Variants in OTUD1 observed in about 807,000 individuals in gnomAD.
The protein encoded by OTUD1 is OTU domain-containing protein 1.
In OTUD1, 15 loss-of-function variants were observed where a neutral mutation model predicts 30.0. The observed-to-expected ratio is 0.50, with a 90% confidence interval of 0.33 to 0.77. The LOEUF is 0.77. Among genes scored for constraint, OTUD1 ranks in the 30% least tolerant of loss-of-function variants. The pLI is 0.02. For missense variants in OTUD1, 796 were observed against 697.8 expected, an observed-to-expected ratio of 1.14 and a Z score of -1.59; for synonymous variants, 381 against 326.3, an observed-to-expected ratio of 1.17 and a Z score of -1.81.
chr10:23,440,915 AC>A lies in OTUD1; in HGVS notation c.*14del, dbSNP rs1336237757. 1 of 1,543,016 alleles carries A rather than the reference AC, an allele frequency of 6.5e-7. No individual in the cohort carries two copies. Among genetic ancestry groups the A allele is most frequent in the South Asian group, 1.2e-5 (1 of 82,746 alleles). On this transcript the variant is annotated 3_prime_UTR_variant, in exon 1 of 1. Coordinates refer to ENST00000376495, the MANE Select transcript of OTUD1 (RefSeq NM_001145373.3). Reference sequence around the variant, plus strand: ...ATGCATGCTCTTGAAATGTCTCAAAACCTTACACCCTGGGAATAATTGCATA... The same window carrying A: ...ATGCATGCTCTTGAAATGTCTCAAAACTTACACCCTGGGAATAATTGCATA...
Position 23,439,255 on chromosome 10 carries a change from C to T in OTUD1, c.-203C>T, listed in dbSNP as rs1294812034. Among the ~76,000 whole-genome samples the T allele has an allele frequency of 6.6e-6, 1 of 151,350 alleles. No homozygotes were observed. Among genetic ancestry groups the T allele is most frequent in the Non-Finnish European group, 1.5e-5 (1 of 67,752 alleles). ...CTCGCGTCCCGTCCCCGCCCCCCTG[C>T]GCTGTGGCGCAGCAGGAATTTGGCC... is the stretch of plus-strand genomic sequence containing the variant. On this transcript the variant is annotated 5_prime_UTR_variant, in exon 1 of 1. Transcript: ENST00000376495.
Position 23,440,863 on chromosome 10 carries a change from C to T in OTUD1, c.1406C>T (p.Ser469Phe). Residue 469 changes from serine to phenylalanine, a missense_variant, in exon 1 of 1, where the codon TCC (serine) becomes TTC (phenylalanine). Physicochemically the swap from Ser to Phe is radical, Grantham distance 155. Coordinates refer to ENST00000376495, the MANE Select transcript of OTUD1 (RefSeq NM_001145373.3). ...GAACTTGCCAAATCTATGGCCATATCCTTGTCTAAAATGTATATTGAACAA... is the reference window on the plus strand; with the variant it reads ...GAACTTGCCAAATCTATGGCCATATTCTTGTCTAAAATGTATATTGAACAA... ...DEELAKSMAISLSKMYIEQNA... is the reference protein window; with the variant it reads ...DEELAKSMAIFLSKMYIEQNA... 6.4e-7 allele frequency: 1 copy of T among 1,551,792 alleles called. No individual in the cohort carries two copies. The highest frequency in any genetic ancestry group is 8.7e-7 in the Non-Finnish European group (1 of 1,146,982).
chr10:23,440,090 G>T lies in OTUD1; in HGVS notation c.633G>T (p.Ala211=), dbSNP rs963055604. 5 of 1,434,554 alleles carry T rather than the reference G, an allele frequency of 3.5e-6. No homozygotes were observed. The highest frequency in any genetic ancestry group is 3.6e-6 in the Non-Finnish European group (4 of 1,101,518). The allele number at this position is 1,434,554 out of a possible 1,614,324, so 88.9% of individuals were successfully genotyped here. ...CCGCCGCCAAGCACCGAGGCCCCGC[G>T]GCGACCCCGGGGAGCCCCGATCCCG... is the stretch of plus-strand genomic sequence containing the variant. ...ALAAAKHRGP[A]ATPGSPDPGP... Residue 211 remains alanine, a synonymous_variant, in exon 1 of 1, where the codon GCG becomes GCT. Coordinates refer to ENST00000376495, the MANE Select transcript of OTUD1 (RefSeq NM_001145373.3).
Position 23,439,600 on chromosome 10 carries a change from C to T in OTUD1, c.143C>T (p.Pro48Leu). The change falls in exon 1 of 1, where the codon CCC (proline) becomes CTC (leucine). Residue 48 changes from proline (P) to leucine (L), a missense_variant. Physicochemically the swap from Pro to Leu is moderately conservative, Grantham distance 98. Coordinates refer to ENST00000376495, the MANE Select transcript of OTUD1 (RefSeq NM_001145373.3). The stretch of plus-strand genomic sequence containing the variant: ...GGAGCCGCCGGCGCCGCGCCCGAGC[C>T]CGAGACCGGTGAGTGCCAGCCCGCC... Reference protein sequence around the residue: ...PPGAAGAAPEPETGECQPAAA... With the variant: ...PPGAAGAAPELETGECQPAAA... 7.3e-7 allele frequency: 1 copy of T among 1,365,836 alleles called. No homozygotes were observed. Among genetic ancestry groups the T allele is most frequent in the Non-Finnish European group, 9.5e-7 (1 of 1,054,550 alleles). 84.6% of individuals were successfully genotyped at this position (1,365,836 alleles called of 1,614,324 possible).
In OTUD1 at chr10:23,440,241, C is replaced by G. The variant is rs1266578670; in HGVS notation, c.784C>G (p.Pro262Ala). 24 of 1,539,520 alleles carry G rather than the reference C, an allele frequency of 1.6e-5. No homozygotes were observed. Among genetic ancestry groups the G allele is most frequent in the Non-Finnish European group, 2.0e-5 (23 of 1,139,780 alleles). The change falls in exon 1 of 1, where the codon CCC (proline) becomes GCC (alanine). Residue 262 changes from proline (P) to alanine (A), a missense_variant. By Grantham distance (27) the Pro-to-Ala change is conservative (BLOSUM62 -1). Transcript: ENST00000376495. ...ARRPDPEAEA[P>A]PAGSIEAAPS... The stretch of plus-strand genomic sequence containing the variant: ...GAGGCCCGACCCAGAGGCCGAGGCA[C>G]CCCCCGCCGGGAGCATCGAGGCCGC...
Position 23,439,341 on chromosome 10 carries a change from C to CT in OTUD1, c.-116dup. On this transcript the variant is annotated 5_prime_UTR_variant, in exon 1 of 1. Coordinates refer to ENST00000376495, the MANE Select transcript of OTUD1 (RefSeq NM_001145373.3). ...GCGGCCGGCTGCCTTTCGCTCATCT[C>CT]TATTCTGGGGCCGTTGGGTCACCGC... is the stretch of plus-strand genomic sequence containing the variant. 1.1e-6 allele frequency: 1 copy of CT among 948,554 alleles called. No homozygotes were observed. Among genetic ancestry groups the CT allele is most frequent in the Non-Finnish European group, 1.4e-6 (1 of 736,556 alleles). The allele number at this position is 948,554 out of a possible 1,614,324, so 58.8% of individuals were successfully genotyped here. A position where few individuals can be genotyped will look rare whatever the true frequency, so the allele number is the denominator to read the frequency against.
Position 23,442,286 on chromosome 10 carries a change from G to A in OTUD1, c.*1383G>A, listed in dbSNP as rs1847138644. 1 of 167,000 alleles carries A rather than the reference G, an allele frequency of 6.0e-6. No individual in the cohort carries two copies. Among genetic ancestry groups the A allele is most frequent in the South Asian group, 2.1e-4 (1 of 4,820 alleles). The allele number at this position is 167,000 out of a possible 1,614,324, so 10.3% of individuals were successfully genotyped here. On this transcript the variant is annotated 3_prime_UTR_variant, in exon 1 of 1. Transcript: ENST00000376495. Reference sequence around the variant, plus strand: ...TTTCCATAAAGATGCCACAGCAATAGAGAGGTTTCCTAAATTATCACATGA... The same window carrying A: ...TTTCCATAAAGATGCCACAGCAATAAAGAGGTTTCCTAAATTATCACATGA...
chr10:23,440,343 G>A lies in OTUD1; in HGVS notation c.886G>A (p.Glu296Lys). 6.4e-7 allele frequency: 1 copy of A among 1,551,362 alleles called. No individual in the cohort carries two copies. The highest frequency in any genetic ancestry group is 8.7e-7 in the Non-Finnish European group (1 of 1,146,902). The change falls in exon 1 of 1, where the codon GAG becomes AAG. Residue 296 changes from glutamate to lysine, a missense_variant. Glu to Lys is a moderately conservative substitution (Grantham distance 56). Transcript: ENST00000376495. Reference protein sequence around the residue: ...RDEKLALYLAEVEKQDKYLRQ... With the variant: ...RDEKLALYLAKVEKQDKYLRQ... ...CGAGAAGCTGGCCCTATACCTGGCC[G>A]AGGTGGAGAAGCAGGACAAGTATCT...
chr10:23,441,038 A>G lies in OTUD1; in HGVS notation c.*135A>G. ...TTACTGTAGGTGTAATGCCTTAATC[A>G]TCTTTTTGAATGTTTTCTCAGAGCT... On this transcript the variant is annotated 3_prime_UTR_variant, in exon 1 of 1. Transcript: ENST00000376495. The G allele has an allele frequency of 6.3e-6, 6 of 948,310 alleles. No homozygotes were observed. Among genetic ancestry groups the G allele is most frequent in the Non-Finnish European group, 7.8e-6 (5 of 644,724 alleles). The allele number at this position is 948,310 out of a possible 1,614,324, so 58.7% of individuals were successfully genotyped here.
chr10:23,440,443 T>A lies in OTUD1; in HGVS notation c.986T>A (p.Val329Glu). The A allele has an allele frequency of 6.4e-7, 1 of 1,551,638 alleles. No homozygotes were observed. ...CTCTACCGAGCTGTCAGCAAGACGG[T>A]GTATGGGGACCAGAGCCTGCACCGG... Reference protein sequence around the residue: ...NCLYRAVSKTVYGDQSLHREL... With the variant: ...NCLYRAVSKTEYGDQSLHREL... The change falls in exon 1 of 1, where the codon GTG becomes GAG. Residue 329 changes from valine to glutamate, a missense_variant. Coordinates refer to ENST00000376495, the MANE Select transcript of OTUD1 (RefSeq NM_001145373.3).
Position 23,440,281 on chromosome 10 carries a change from C to T in OTUD1, c.824C>T (p.Ala275Val), listed in dbSNP as rs1359514744. Reference sequence around the variant, plus strand: ...ATCGAGGCCGCCCCGAGTAGTGCGGCGGAGCCGGTGATCGTCTCCAGGTCG... The same window carrying T: ...ATCGAGGCCGCCCCGAGTAGTGCGGTGGAGCCGGTGATCGTCTCCAGGTCG... ...GSIEAAPSSA[A>V]EPVIVSRSDP... Residue 275 changes from alanine to valine, a missense_variant, in exon 1 of 1, where the codon GCG becomes GTG. Coordinates refer to ENST00000376495, the MANE Select transcript of OTUD1 (RefSeq NM_001145373.3). 33 of 1,549,828 alleles carry T rather than the reference C, an allele frequency of 2.1e-5. No individual in the cohort carries two copies. Among genetic ancestry groups the T allele is most frequent in the Non-Finnish European group, 2.7e-5 (31 of 1,146,374 alleles).
rs777303356 is a variant in OTUD1 at position 23,440,789 on chromosome 10, G to A, written c.1332G>A (p.Glu444=). Residue 444 remains glutamate (E), a synonymous_variant, in exon 1 of 1, where the codon GAG becomes GAA. Coordinates refer to ENST00000376495, the MANE Select transcript of OTUD1 (RefSeq NM_001145373.3). ...AVFDHSYPNP[E]YDNWCKQTQV... ...TTGATCACTCCTATCCTAACCCAGA[G>A]TACGACAACTGGTGCAAACAAACTC... 6.4e-7 allele frequency: 1 copy of A among 1,552,184 alleles called. No individual in the cohort carries two copies. The highest frequency in any genetic ancestry group is 8.7e-7 in the Non-Finnish European group (1 of 1,147,114).
Position 23,439,619 on chromosome 10 carries a change from G to C in OTUD1, c.162G>C (p.Gln54His). 7.7e-7 allele frequency: 1 copy of C among 1,302,948 alleles called. No homozygotes were observed. The highest frequency in any genetic ancestry group is 9.8e-7 in the Non-Finnish European group (1 of 1,022,854). 80.7% of individuals were successfully genotyped at this position (1,302,948 alleles called of 1,614,324 possible). A position where few individuals can be genotyped will look rare whatever the true frequency, so the allele number is the denominator to read the frequency against. Residue 54 changes from glutamine (Q) to histidine (H), a missense_variant, in exon 1 of 1, where the codon CAG becomes CAC. Transcript: ENST00000376495. ...AAPEPETGEC[Q>H]PAAAAEHREA... ...CCGAGCCCGAGACCGGTGAGTGCCA[G>C]CCCGCCGCGGCCGCCGAGCACCGGG... is the stretch of plus-strand genomic sequence containing the variant.
chr10:23,439,376 G>GC lies in OTUD1; in HGVS notation c.-77dup. The GC allele has an allele frequency of 1.7e-6, 2 of 1,161,566 alleles. No homozygotes were observed. The highest frequency in any genetic ancestry group is 3.4e-4 in the Middle Eastern group (1 of 2,922). 72.0% of individuals were successfully genotyped at this position (1,161,566 alleles called of 1,614,324 possible). A position where few individuals can be genotyped will look rare whatever the true frequency, so the allele number is the denominator to read the frequency against. On this transcript the variant is annotated 5_prime_UTR_variant, in exon 1 of 1. Coordinates refer to ENST00000376495, the MANE Select transcript of OTUD1 (RefSeq NM_001145373.3). ...GCCGTTGGGTCACCGCGCTCCGCCG[G>GC]CCCCCTCCCCCGGGCCCGGAGGGTG...
At position 23,439,959 on chromosome 10, in the gene OTUD1, C is replaced by T. The variant is rs1405843572; in HGVS notation, c.502C>T (p.Leu168=). The change falls in exon 1 of 1, where the codon CTG becomes TTG. Residue 168 remains leucine (L), a synonymous_variant. Transcript: ENST00000376495. The part of the protein sequence containing the change: ...PPRRGSSAWL[L]EELLRPDCPE... ...GCGGCGGGGCTCCTCGGCCTGGCTCCTGGAGGAGCTGCTGCGGCCCGACTG... is the reference window on the plus strand; with the variant it reads ...GCGGCGGGGCTCCTCGGCCTGGCTCTTGGAGGAGCTGCTGCGGCCCGACTG... The T allele has an allele frequency of 7.1e-6, 9 of 1,274,202 alleles. No individual in the cohort carries two copies. The highest frequency in any genetic ancestry group is 8.9e-6 in the Non-Finnish European group (9 of 1,014,870). 78.9% of individuals were successfully genotyped at this position (1,274,202 alleles called of 1,614,324 possible). A position where few individuals can be genotyped will look rare whatever the true frequency, so the allele number is the denominator to read the frequency against.
rs750213132 is a variant in OTUD1, at chr10:23,440,076, C to T, written c.619C>T (p.His207Tyr). The change falls in exon 1 of 1, where the codon CAC (histidine) becomes TAC (tyrosine). Residue 207 changes from histidine (H) to tyrosine (Y), a missense_variant. Physicochemically the swap from His to Tyr is moderately conservative, Grantham distance 83. Coordinates refer to ENST00000376495, the MANE Select transcript of OTUD1 (RefSeq NM_001145373.3). ...EHRQALAAAK[H>Y]RGPAATPGSP... ...CCGCCAGGCCCTGGCCGCCGCCAAG[C>T]ACCGAGGCCCCGCGGCGACCCCGGG... is the stretch of plus-strand genomic sequence containing the variant. 1.4e-6 allele frequency: 2 copies of T among 1,445,010 alleles called. No individual in the cohort carries two copies. The highest frequency in any genetic ancestry group is 1.4e-5 in the South Asian group (1 of 72,602). The allele number at this position is 1,445,010 out of a possible 1,614,324, so 89.5% of individuals were successfully genotyped here.
rs1257407695 is a variant in OTUD1, at chr10:23,440,101, G to A, written c.644G>A (p.Gly215Glu). 7.0e-7 allele frequency: 1 copy of A among 1,431,402 alleles called. No homozygotes were observed. The highest frequency in any genetic ancestry group is 3.1e-5 in the Admixed American group (1 of 32,740). The allele number at this position is 1,431,402 out of a possible 1,614,324, so 88.7% of individuals were successfully genotyped here. A position where few individuals can be genotyped will look rare whatever the true frequency, so the allele number is the denominator to read the frequency against. ...CACCGAGGCCCCGCGGCGACCCCGG[G>A]GAGCCCCGATCCCGGCCCCGGTCCG... ...AKHRGPAATP[G>E]SPDPGPGPWG... is the part of the protein sequence containing the mutation. Residue 215 changes from glycine (G) to glutamate (E), a missense_variant, in exon 1 of 1, where the codon GGG (glycine) becomes GAG (glutamate). Transcript: ENST00000376495.
Position 23,440,342 on chromosome 10 carries a change from C to T in OTUD1, c.885C>T (p.Ala295=), listed in dbSNP as rs74122449. 3,051 of 1,551,308 alleles carry T rather than the reference C, an allele frequency of 2.0e-3. 58 individuals are homozygous for T. In the African/African-American group the frequency reaches 0.036, roughly 18 times the overall value. The change falls in exon 1 of 1, where the codon GCC becomes GCT. Residue 295 remains alanine (A), a synonymous_variant. Transcript: ENST00000376495. ...PRDEKLALYL[A]EVEKQDKYLR... is the part of the protein sequence containing the mutation. ...ACGAGAAGCTGGCCCTATACCTGGC[C>T]GAGGTGGAGAAGCAGGACAAGTATC...
chr10:23,440,577 G>T lies in OTUD1; in HGVS notation c.1120G>T (p.Ala374Ser). ...EFIIAAAQDG[A>S]WAGYPELLAM... ...TATCATCGCTGCTGCCCAAGACGGGGCATGGGCCGGGTACCCGGAGTTGCT... is the reference window on the plus strand; with the variant it reads ...TATCATCGCTGCTGCCCAAGACGGGTCATGGGCCGGGTACCCGGAGTTGCT... The change falls in exon 1 of 1, where the codon GCA (alanine) becomes TCA (serine). Residue 374 changes from alanine to serine, a missense_variant. By Grantham distance (99) the Ala-to-Ser change is moderately conservative. Transcript: ENST00000376495. 6.4e-7 allele frequency: 1 copy of T among 1,551,698 alleles called. No homozygotes were observed. Among genetic ancestry groups the T allele is most frequent in the South Asian group, 1.2e-5 (1 of 84,066 alleles).
Sources: gnomAD v4.1 joint callset for allele counts (sites outside exome capture counted in the v4.1 genomes callset) on GRCh38, gnomAD v4.1.1 for gene constraint, MANE v1.5 for transcripts, NCBI Gene and HGNC (gene_info 2026-07-23, HGNC 2026-07-21) for gene names.